SPPL3: variants seen among roughly 807,000 people sequenced by gnomAD.
SPPL3 encodes the protein signal peptide peptidase like 3, also known as signal peptide peptidase-like 3.
SPPL3 carries 5 observed loss-of-function variants against 42.4 expected under a neutral mutation model. That is an observed-to-expected ratio of 0.12 (90% confidence interval 0.06 to 0.25). The LOEUF (loss-of-function observed/expected upper bound fraction) is 0.25. Ranked by LOEUF, SPPL3 falls within the 10% of genes least tolerant of loss-of-function variation. SPPL3 has a pLI of 1.00. For synonymous variants in SPPL3, 195 were observed against 181.8 expected (o/e 1.07, Z -0.58); for missense variants, 235 against 489.0 (o/e 0.48, Z 4.90).
Position 120,784,377 on chromosome 12 carries a change from C to T in SPPL3, c.310+97G>A. The T allele has an allele frequency of 3.9e-6, 5 of 1,286,394 alleles. No homozygotes were observed. In the South Asian group the frequency reaches 6.5e-5, roughly 17 times the overall value. The allele number at this position is 1,286,394 out of a possible 1,614,324, so 79.7% of individuals were successfully genotyped here. ...GCCAAGATTTATAAGGAAAAACTTA[C>T]ATGACATGGTATATAAATCTTAATT... is the stretch of plus-strand genomic sequence containing the variant. On this transcript the variant is annotated intron_variant, in intron 4 of 10. Coordinates refer to ENST00000353487, the MANE Select transcript of SPPL3 (RefSeq NM_139015.5).
intron 1 of SPPL3, among the ~76,000 whole-genome samples, chr12:120,861,512 T>A (rs1344559023): frequency 6.6e-6 from 1 of 152,230 alleles, no homozygotes; most frequent in Non-Finnish European, 1.5e-5. Context: ...GCCACATTTC[T>A]GGTCATATTT....
At chr12:120,836,812 C>T (rs895354693) in intron 1 of SPPL3, among the ~76,000 whole-genome samples, 8 of 152,150 alleles carry the variant, frequency 5.3e-5, no homozygotes, top group African/African-American at 9.7e-5. Context: ...AAACTGTACA[C>T]GCCTTAACAT....
At position 120,767,610 on chromosome 12, in the gene SPPL3, C is replaced by G; in HGVS notation, c.774-17G>C. Reference sequence around the variant, plus strand: ...CCAGTGGAGCTGGAATGCAGTTTCACAGGTTAGTGACGTCACACTCTACAA... The same window carrying G: ...CCAGTGGAGCTGGAATGCAGTTTCAGAGGTTAGTGACGTCACACTCTACAA... On this transcript the variant is annotated splice_polypyrimidine_tract_variant and intron_variant, in intron 8 of 10. Transcript: ENST00000353487. 6.2e-7 allele frequency: 1 copy of G among 1,613,642 alleles called. No individual in the cohort carries two copies. Among genetic ancestry groups the G allele is most frequent in the Non-Finnish European group, 8.5e-7 (1 of 1,179,620 alleles).
At chr12:120,824,792 C>T (rs138440682) in intron 1 of SPPL3, among the ~76,000 whole-genome samples, 40 of 152,326 alleles carry the variant, frequency 2.6e-4, no homozygotes, top group African/African-American at 9.6e-4. Context: ...TCAGCATTGG[C>T]CTCCCAACTT....
intron 1 of SPPL3, among the ~76,000 whole-genome samples, chr12:120,869,705 A>G (rs2137048580): frequency 6.6e-6 from 1 of 152,368 alleles, no homozygotes. Context: ...GCTACTACAC[A>G]GTATGACTTT....
chr12:120,786,349 G>C (rs747942963), intron 3 of SPPL3, among the ~76,000 whole-genome samples: 11 of 152,170 alleles, frequency 7.2e-5, no homozygotes, highest in Non-Finnish European at 1.5e-4. Context: ...GTGCTCTACA[G>C]TAGTTCAAAG....
At chr12:120,899,888 C>CAAAAAAA (rs34814522) in intron 1 of SPPL3, among the ~76,000 whole-genome samples, 107 of 71,690 alleles carry the variant, frequency 1.5e-3, no homozygotes, top group African/African-American at 6.7e-3. Flanking sequence ...GACCCTGTCT[C>CAAAAAAA]AAAAAAAAAA....
At chr12:120,901,208 T>C (rs1873972980) in intron 1 of SPPL3, among the ~76,000 whole-genome samples, 1 of 152,114 alleles carries the variant, frequency 6.6e-6, no homozygotes, top group African/African-American at 2.4e-5. Context: ...CCTCAGAAAC[T>C]TGTGAGAATT....
At chr12:120,884,646 G>A (rs1250631808) in intron 1 of SPPL3, among the ~76,000 whole-genome samples, 1 of 150,750 alleles carries the variant, frequency 6.6e-6, no homozygotes, top group Non-Finnish European at 1.5e-5. Flanking sequence ...TGTGTTGGTA[G>A]AATTGTGGGT....
At chr12:120,834,061 G>A (rs1273849410) in intron 1 of SPPL3, among the ~76,000 whole-genome samples, 1 of 152,112 alleles carries the variant, frequency 6.6e-6, no homozygotes, top group African/African-American at 2.4e-5. Context: ...ATGATGTCCT[G>A]AAATTATAGT....
chr12:120,805,711 T>A (rs1870463930), intron 2 of SPPL3, among the ~76,000 whole-genome samples: 1 of 152,236 alleles, frequency 6.6e-6, no homozygotes, highest in South Asian at 2.1e-4. Context: ...TAGTTCTATA[T>A]ACTTAGCAAT....
At chr12:120,835,311 T>G (rs1167319709) in intron 1 of SPPL3, 4 of 152,260 alleles carry the variant, frequency 2.6e-5, no homozygotes, top group Non-Finnish European at 1.5e-5. Context: ...ACACCTACCC[T>G]TAACCATCCT....
At chr12:120,770,660 C>T (rs532658112) in intron 6 of SPPL3, among the ~76,000 whole-genome samples, 1 of 152,212 alleles carries the variant, frequency 6.6e-6, no homozygotes, top group Non-Finnish European at 1.5e-5. Flanking sequence ...TCCCCACTCA[C>T]TGGCCTTTTC....
At chr12:120,900,289 TACAA>T (rs1038602845) in intron 1 of SPPL3, among the ~76,000 whole-genome samples, 4 of 151,364 alleles carry the variant, frequency 2.6e-5, no homozygotes, top group African/African-American at 4.9e-5. Context: ...AAAGGTCACA[TACAA>T]ACAAAGTGCA....
At chr12:120,800,892 T>A (rs1870273229) in intron 2 of SPPL3, among the ~76,000 whole-genome samples, 1 of 152,256 alleles carries the variant, frequency 6.6e-6, no homozygotes, top group Non-Finnish European at 1.5e-5. Context: ...CTAGGTGCTT[T>A]ACAGGCAAGG....
At chr12:120,847,222 G>C (rs1303409600) in intron 1 of SPPL3, among the ~76,000 whole-genome samples, 1 of 152,136 alleles carries the variant, frequency 6.6e-6, no homozygotes, top group Non-Finnish European at 1.5e-5. Context: ...ACACTAATTA[G>C]AGAGGGAAAA....
intron 1 of SPPL3, among the ~76,000 whole-genome samples, chr12:120,832,933 C>T (rs1468780852): frequency 6.6e-6 from 1 of 152,162 alleles, no homozygotes; most frequent in African/African-American, 2.4e-5. Flanking sequence ...CACATCAGCA[C>T]TATGGGGATC....
At position 120,768,370 on chromosome 12, in the gene SPPL3, C is replaced by T. The variant is rs758582267; in HGVS notation, c.728G>A (p.Arg243His). Reference protein sequence around the residue: ...RKLHLGPNVGRDVPRLSLPGK... With the variant: ...RKLHLGPNVGHDVPRLSLPGK... ...AGGCAGAGACAGGCGAGGAACATCA[C>T]GCCCAACATTGGGCCCCAGGTGGAG... is the stretch of plus-strand genomic sequence containing the variant. Residue 243 changes from arginine (R) to histidine (H), a missense_variant, in exon 8 of 11, where the codon CGT becomes CAT. Coordinates refer to ENST00000353487, the MANE Select transcript of SPPL3 (RefSeq NM_139015.5). 7.4e-6 allele frequency: 12 copies of T among 1,614,032 alleles called. No homozygotes were observed. The highest frequency in any genetic ancestry group is 3.3e-5 in the Admixed American group (2 of 60,010).
At chr12:120,802,397 ATGTGTG>A (rs71453508) in intron 2 of SPPL3, among the ~76,000 whole-genome samples, 1,333 of 119,776 alleles carry the variant, frequency 0.011, 32 homozygotes, top group African/African-American at 0.044. Context: ...ATACACATAT[ATGTGTG>A]TGTGTGTGTG....
Sources: gnomAD v4.1 joint callset for allele counts (sites outside exome capture counted in the v4.1 genomes callset) on GRCh38, gnomAD v4.1.1 for gene constraint, MANE v1.5 for transcripts, NCBI Gene and HGNC (gene_info 2026-07-23, HGNC 2026-07-21) for gene names.